Variants in CFB observed in about 807,000 individuals in gnomAD.
The protein encoded by CFB is complement factor B.
CFB carries 59 observed loss-of-function variants against 97.2 expected under a neutral mutation model. That is an observed-to-expected ratio of 0.61 (90% CI 0.49 to 0.75). The LOEUF is 0.75. Among genes scored for constraint, CFB ranks in the 30% least tolerant of loss-of-function variants. The pLI, the probability that CFB is intolerant of heterozygous loss-of-function variation, is 0.00. For synonymous variants in CFB, 316 were observed against 351.7 expected (o/e 0.90, Z 1.14); for missense variants, 771 against 959.8 (o/e 0.80, Z 2.60).
At position 31,951,508 on chromosome 6, in the gene CFB, C is replaced by G; in HGVS notation, c.2089+35C>G. ...TGCTCTTTGGTTGTGCTACAAGTGC[C>G]CAAGGCCCAACAGTCCTTTTCTCTA... is the stretch of plus-strand genomic sequence containing the variant. On this transcript the variant is annotated intron_variant, in intron 16 of 17. Coordinates refer to ENST00000425368, the MANE Select transcript of CFB (RefSeq NM_001710.6). This position sits in a 1 kb window ranked among gnomAD's most constrained non-coding sequence, Gnocchi z 4.3. 1 of 1,614,166 alleles carries G rather than the reference C, an allele frequency of 6.2e-7. No homozygotes were observed.
Position 31,947,346 on chromosome 6 carries a change from A to T in CFB, c.485-2A>T. On this transcript the variant is annotated splice_acceptor_variant, in intron 3 of 17. Transcript: ENST00000425368. LOFTEE classifies it high-confidence loss of function. This position sits in a 1 kb window ranked among gnomAD's most constrained non-coding sequence, Gnocchi z 5.3. Reference sequence around the variant, plus strand: ...TTACCTCGATGTCTCATACCTCTGCAGCGGGGTACTGCTCCAACCCGGGCA... The same window carrying T: ...TTACCTCGATGTCTCATACCTCTGCTGCGGGGTACTGCTCCAACCCGGGCA... 1 of 1,612,982 alleles carries T rather than the reference A, an allele frequency of 6.2e-7. No homozygotes were observed. Among genetic ancestry groups the T allele is most frequent in the Non-Finnish European group, 8.5e-7 (1 of 1,180,024 alleles).
At chr6:31,948,786 G>A in intron 7 of CFB, 44 bp from the exon 8 acceptor site, 2 of 1,612,992 alleles carry the variant, frequency 1.2e-6, no homozygotes, top group Non-Finnish European at 1.7e-6. Flanking sequence ...TTAAAAGATG[G>A]CTTGGAAGAC....
In CFB at chr6:31,951,476, G is replaced by A. The variant is rs1455111533; in HGVS notation, c.2089+3G>A. The A allele has an allele frequency of 6.2e-7, 1 of 1,614,210 alleles. No homozygotes were observed. The highest frequency in any genetic ancestry group is 8.5e-7 in the Non-Finnish European group (1 of 1,180,036). On this transcript the variant is annotated splice_donor_region_variant and intron_variant, in intron 16 of 17. Transcript: ENST00000425368. This position sits in a 1 kb window ranked among gnomAD's most constrained non-coding sequence, Gnocchi z 4.3. ...TGCTGACCCCAATACTTGCAGAGGT[G>A]AGAGAATGCTCTTTGGTTGTGCTAC...
chr6:31,951,357 G>A lies in CFB; in HGVS notation c.1973G>A (p.Arg658Lys), dbSNP rs560802683. 33 of 1,614,204 alleles carry A rather than the reference G, an allele frequency of 2.0e-5. No homozygotes were observed. Among genetic ancestry groups the A allele is most frequent in the Non-Finnish European group, 2.7e-5 (32 of 1,180,042 alleles). Residue 658 changes from arginine (R) to lysine (K), a missense_variant, in exon 16 of 18, where the codon AGA becomes AAA. Coordinates refer to ENST00000425368, the MANE Select transcript of CFB (RefSeq NM_001710.6). This position sits in a 1 kb window ranked among gnomAD's most constrained non-coding sequence, Gnocchi z 4.3. Reference protein sequence around the residue: ...KNGDKKGSCERDAQYAPGYDK... With the variant: ...KNGDKKGSCEKDAQYAPGYDK... ...CCCCTACAGAAAGGCAGCTGTGAGA[G>A]AGATGCTCAATATGCCCCAGGCTAT...
rs1357185551 is a variant in CFB, at chr6:31,949,158, C to T, written c.1169-85C>T. On this transcript the variant is annotated intron_variant, in intron 8 of 17. Coordinates refer to ENST00000425368, the MANE Select transcript of CFB (RefSeq NM_001710.6). The stretch of plus-strand genomic sequence containing the variant: ...TCAACTATCTCTAACCCTTCCTCAA[C>T]TTGCTCACCCTGCCATGTGTATCCC... 10 of 1,477,544 alleles carry T rather than the reference C, an allele frequency of 6.8e-6. No individual in the cohort carries two copies. In the South Asian group the frequency reaches 9.3e-5, roughly 14 times the overall value. 91.5% of individuals were successfully genotyped at this position (1,477,544 alleles called of 1,614,324 possible). A position where few individuals can be genotyped will look rare whatever the true frequency, so the allele number is the denominator to read the frequency against.
In CFB at chr6:31,946,974, T is replaced by C. The variant is rs565594004; in HGVS notation, c.299-33T>C. 14 of 1,612,100 alleles carry C rather than the reference T, an allele frequency of 8.7e-6. No homozygotes were observed. The African/African-American group carries it at 1.7e-4, about 20-fold the overall frequency. ...ATACACCTAAGGCAGCCTTTCCCTCTTGATGACTTCTACTTGTCCCCCCTT... is the reference window on the plus strand; with the variant it reads ...ATACACCTAAGGCAGCCTTTCCCTCCTGATGACTTCTACTTGTCCCCCCTT... On this transcript the variant is annotated intron_variant, in intron 2 of 17. Coordinates refer to ENST00000425368, the MANE Select transcript of CFB (RefSeq NM_001710.6). This position sits in a 1 kb window ranked among gnomAD's most constrained non-coding sequence, Gnocchi z 6.4.
At position 31,949,555 on chromosome 6, in the gene CFB, T is replaced by C; in HGVS notation, c.1406T>C (p.Ile469Thr). Residue 469 changes from isoleucine (I) to threonine (T), a missense_variant and splice_region_variant, in exon 10 of 18, where the codon ATC becomes ACC. Ile to Thr is a moderately conservative substitution (Grantham distance 89). Coordinates refer to ENST00000425368, the MANE Select transcript of CFB (RefSeq NM_001710.6). ...CTGGAAGATGTTTTCTACCAAATGA[T>C]CGGTAGGGAGATACAAGGGAATAAA... is the stretch of plus-strand genomic sequence containing the variant. Reference protein sequence around the residue: ...ENLEDVFYQMIDESQSLSLCG... With the variant: ...ENLEDVFYQMTDESQSLSLCG... The C allele has an allele frequency of 6.2e-7, 1 of 1,613,056 alleles. No homozygotes were observed. The highest frequency in any genetic ancestry group is 8.5e-7 in the Non-Finnish European group (1 of 1,180,028).
chr6:31,949,262 G>A lies in CFB; in HGVS notation c.1188G>A (p.Gly396=). 6.2e-7 allele frequency: 1 copy of A among 1,614,056 alleles called. No homozygotes were observed. Among genetic ancestry groups the A allele is most frequent in the Non-Finnish European group, 8.5e-7 (1 of 1,180,028 alleles). ...CTGCAGGATTGCACAACATGGGCGG[G>A]GACCCAATTACTGTCATTGATGAGA... ...LMTDGLHNMG[G]DPITVIDEIR... Residue 396 remains glycine, a synonymous_variant, in exon 9 of 18, where the codon GGG becomes GGA. Transcript: ENST00000425368.
At position 31,946,421 on chromosome 6, in the gene CFB, C is replaced by G. The variant is rs1044669118; in HGVS notation, c.113C>G (p.Ser38Cys). The change falls in exon 2 of 18, where the codon TCT becomes TGT. Residue 38 changes from serine to cysteine, a missense_variant. Physicochemically the swap from Ser to Cys is moderately radical, Grantham distance 112 (BLOSUM62 -1). Coordinates refer to ENST00000425368, the MANE Select transcript of CFB (RefSeq NM_001710.6). The surrounding 1 kb of genome is among the most constrained non-coding windows in gnomAD (Gnocchi z 6.4). ...TTGGCCCGGCCCCAGGGATCCTGCT[C>G]TCTGGAGGGGGTAGAGATCAAAGGC... ...WSLARPQGSCSLEGVEIKGGS... is the reference protein window; with the variant it reads ...WSLARPQGSCCLEGVEIKGGS... 2.5e-6 allele frequency: 4 copies of G among 1,612,988 alleles called. No individual in the cohort carries two copies. The highest frequency in any genetic ancestry group is 3.4e-6 in the Non-Finnish European group (4 of 1,180,042).
In CFB at chr6:31,950,134, A is replaced by G. The variant is rs1179110747; in HGVS notation, c.1493A>G (p.Lys498Arg). 6.2e-7 allele frequency: 1 copy of G among 1,612,970 alleles called. No homozygotes were observed. Among genetic ancestry groups the G allele is most frequent in the African/African-American group, 1.3e-5 (1 of 74,928 alleles). The stretch of plus-strand genomic sequence containing the variant: ...TACCACAAGCAACCATGGCAGGCCA[A>G]GATCTCAGTCATTGTAAGCACAGAA... ...TDYHKQPWQA[K>R]ISVIRPSKGH... Residue 498 changes from lysine (K) to arginine (R), a missense_variant, in exon 11 of 18, where the codon AAG (lysine) becomes AGG (arginine). Transcript: ENST00000425368.
Position 31,947,286 on chromosome 6 carries a change from C to G in CFB, c.485-62C>G. 2 of 1,611,800 alleles carry G rather than the reference C, an allele frequency of 1.2e-6. No homozygotes were observed. The highest frequency in any genetic ancestry group is 8.5e-7 in the Non-Finnish European group (1 of 1,179,678). ...GGCTCCGGACACTGTAACTCTTGCT[C>G]TCTACCTTGCTCACGGGGCCTCAGG... On this transcript the variant is annotated intron_variant, in intron 3 of 17. Transcript: ENST00000425368. This position sits in a 1 kb window ranked among gnomAD's most constrained non-coding sequence, Gnocchi z 5.3.
In CFB at chr6:31,946,142, C is replaced by A; in HGVS notation, c.-80C>A. The A allele has an allele frequency of 6.8e-7, 1 of 1,459,984 alleles. No homozygotes were observed. The highest frequency in any genetic ancestry group is 9.6e-7 in the Non-Finnish European group (1 of 1,041,512). 90.4% of individuals were successfully genotyped at this position (1,459,984 alleles called of 1,614,324 possible). ...TAGGTCTGGAGTTTCAGCTTGGACA[C>A]TGAGCCAAGCAGACAAGCAAAGCAA... On this transcript the variant is annotated 5_prime_UTR_variant, in exon 1 of 18. In the 5' UTR this introduces an upstream ATG that the reference lacks. Coordinates refer to ENST00000425368, the MANE Select transcript of CFB (RefSeq NM_001710.6). The surrounding 1 kb of genome is among the most constrained non-coding windows in gnomAD (Gnocchi z 6.4).
In CFB at chr6:31,948,822, C is replaced by G; in HGVS notation, c.1037-8C>G. On this transcript the variant is annotated splice_region_variant and splice_polypyrimidine_tract_variant and intron_variant, in intron 7 of 17. Coordinates refer to ENST00000425368, the MANE Select transcript of CFB (RefSeq NM_001710.6). ...CAGGTGAGGTGATGGTCTCTTCCCT[C>G]TCCACAGACCACAAGTTGAAGTCAG... is the stretch of plus-strand genomic sequence containing the variant. 1 of 1,613,072 alleles carries G rather than the reference C, an allele frequency of 6.2e-7. No homozygotes were observed. Among genetic ancestry groups the G allele is most frequent in the Non-Finnish European group, 8.5e-7 (1 of 1,180,028 alleles).
chr6:31,947,509 C>A lies in CFB; in HGVS notation c.646C>A (p.Pro216Thr), dbSNP rs995165355. 3 of 1,612,838 alleles carry A rather than the reference C, an allele frequency of 1.9e-6. No individual in the cohort carries two copies. The highest frequency in any genetic ancestry group is 2.7e-5 in the African/African-American group (2 of 74,904). The change falls in exon 4 of 18, where the codon CCT becomes ACT. Residue 216 changes from proline (P) to threonine (T), a missense_variant. Physicochemically the swap from Pro to Thr is conservative, Grantham distance 38. Coordinates refer to ENST00000425368, the MANE Select transcript of CFB (RefSeq NM_001710.6). This position sits in a 1 kb window ranked among gnomAD's most constrained non-coding sequence, Gnocchi z 5.3. ...QEGGSWSGTE[P>T]SCQDSFMYDT... Reference sequence around the variant, plus strand: ...AGGTGGCTCTTGGAGCGGGACGGAGCCTTCCTGCCAAGGTGACCTTTGACC... The same window carrying A: ...AGGTGGCTCTTGGAGCGGGACGGAGACTTCCTGCCAAGGTGACCTTTGACC...
Position 31,947,114 on chromosome 6 carries a change from A to T in CFB, c.406A>T (p.Thr136Ser). Reference sequence around the variant, plus strand: ...CTCTTTCCACTGCTATGACGGTTACACTCTCCGGGGCTCTGCCAATCGCAC... The same window carrying T: ...CTCTTTCCACTGCTATGACGGTTACTCTCTCCGGGGCTCTGCCAATCGCAC... ...EISFHCYDGY[T>S]LRGSANRTCQ... is the part of the protein sequence containing the mutation. Residue 136 changes from threonine to serine, a missense_variant, in exon 3 of 18, where the codon ACT becomes TCT. Thr to Ser is a moderately conservative substitution (Grantham distance 58, BLOSUM62 1). Transcript: ENST00000425368. This position sits in a 1 kb window ranked among gnomAD's most constrained non-coding sequence, Gnocchi z 5.3. The T allele has an allele frequency of 6.2e-7, 1 of 1,612,724 alleles. No individual in the cohort carries two copies. Among genetic ancestry groups the T allele is most frequent in the Non-Finnish European group, 8.5e-7 (1 of 1,179,980 alleles).
Position 31,951,095 on chromosome 6 carries a change from G to C in CFB, c.1856-49G>C, listed in dbSNP as rs146329167. 29 of 1,596,600 alleles carry C rather than the reference G, an allele frequency of 1.8e-5. No homozygotes were observed. In the African/African-American group the frequency reaches 2.8e-4, roughly 15 times the overall value. On this transcript the variant is annotated intron_variant, in intron 14 of 17. Transcript: ENST00000425368. The surrounding 1 kb of genome is among the most constrained non-coding windows in gnomAD (Gnocchi z 4.3). ...TCTACTGAGTGACAAAGGCAATGGG[G>C]AGATGACAGTGGTGGGAGCAGCTGA...
In CFB at chr6:31,950,544, G is replaced by A. The variant is rs767295386; in HGVS notation, c.1625-75G>A. Reference sequence around the variant, plus strand: ...AGACCAGTCAGGGATGGGGGAAGACGTGAAGTTAGGAATGACACGGGGCCA... The same window carrying A: ...AGACCAGTCAGGGATGGGGGAAGACATGAAGTTAGGAATGACACGGGGCCA... On this transcript the variant is annotated intron_variant, in intron 12 of 17. Coordinates refer to ENST00000425368, the MANE Select transcript of CFB (RefSeq NM_001710.6). 2.1e-5 allele frequency: 34 copies of A among 1,603,840 alleles called. No homozygotes were observed. In the Middle Eastern group the frequency reaches 4.9e-4, roughly 23 times the overall value.
In CFB at chr6:31,949,330, G is replaced by A; in HGVS notation, c.1256G>A (p.Arg419Lys). ...ATTGGCAAGGATCGCAAAAACCCAA[G>A]GGAGGATTATCTGGGTGAGTAACCT... ...LYIGKDRKNP[R>K]EDYLDVYVFG... The change falls in exon 9 of 18, where the codon AGG becomes AAG. Residue 419 changes from arginine (R) to lysine (K), a missense_variant. By Grantham distance (26) the Arg-to-Lys change is conservative. Coordinates refer to ENST00000425368, the MANE Select transcript of CFB (RefSeq NM_001710.6). 5 of 1,614,178 alleles carry A rather than the reference G, an allele frequency of 3.1e-6. No homozygotes were observed. The highest frequency in any genetic ancestry group is 4.2e-6 in the Non-Finnish European group (5 of 1,180,026).
Position 31,950,753 on chromosome 6 carries a change from A to C in CFB, c.1759A>C (p.Lys587Gln). The part of the protein sequence containing the change: ...VALIKLKNKL[K>Q]YGQTIRPICL... Reference sequence around the variant, plus strand: ...CCTGATCAAGCTCAAGAATAAGCTGAAATATGGCCAGACTATCAGGTGAGA... The same window carrying C: ...CCTGATCAAGCTCAAGAATAAGCTGCAATATGGCCAGACTATCAGGTGAGA... Residue 587 changes from lysine to glutamine, a missense_variant, in exon 13 of 18, where the codon AAA becomes CAA. Physicochemically the swap from Lys to Gln is moderately conservative, Grantham distance 53. Coordinates refer to ENST00000425368, the MANE Select transcript of CFB (RefSeq NM_001710.6). 1 of 1,613,084 alleles carries C rather than the reference A, an allele frequency of 6.2e-7. No individual in the cohort carries two copies. Among genetic ancestry groups the C allele is most frequent in the Middle Eastern group, 1.6e-4 (1 of 6,062 alleles).
Sources: allele counts gnomAD v4.1 joint callset, GRCh38; gene constraint gnomAD v4.1.1; non-coding constraint Gnocchi (gnomAD v3.1); transcripts MANE v1.5; gene names NCBI Gene and HGNC (gene_info 2026-07-23, HGNC 2026-07-21).